LRRTM3: variants seen among roughly 807,000 people sequenced by gnomAD.
LRRTM3 encodes leucine-rich repeat transmembrane neuronal protein 3.
A neutral mutation model predicts 44.7 loss-of-function variants in LRRTM3; 24 were observed. The ratio of observed to expected loss-of-function variants is 0.54; its 90% CI spans 0.39 to 0.76. LRRTM3 has a LOEUF of 0.76. Among genes scored for constraint, LRRTM3 ranks in the 30% least tolerant of loss-of-function variants. The probability of loss-of-function intolerance (pLI) is 0.00; values close to 1 mark genes in which losing one functional copy is unlikely to be tolerated. For synonymous variants in LRRTM3, 277 were observed against 278.7 expected (o/e 0.99, Z 0.06); for missense variants, 587 against 702.2 (o/e 0.84, Z 1.85).
chr10:67,097,586 G>C lies in LRRTM3; in HGVS notation c.1537-1G>C, dbSNP rs1183042727. ...ACTTTTCTCATGTCATTTTTCCCCAGATACCTTTATCAATGAATGTGTCAA... is the reference window on the plus strand; with the variant it reads ...ACTTTTCTCATGTCATTTTTCCCCACATACCTTTATCAATGAATGTGTCAA... On this transcript the variant is annotated splice_acceptor_variant, in intron 2 of 2. Transcript: ENST00000361320. LOFTEE classifies it high-confidence loss of function. 6.2e-7 allele frequency: 1 copy of C among 1,611,516 alleles called. No individual in the cohort carries two copies. The highest frequency in any genetic ancestry group is 8.5e-7 in the Non-Finnish European group (1 of 1,178,504).
chr10:67,099,535 C>T lies in LRRTM3; in HGVS notation c.*1739C>T, dbSNP rs1858211795. On this transcript the variant is annotated 3_prime_UTR_variant, in exon 3 of 3. Coordinates refer to ENST00000361320, the MANE Select transcript of LRRTM3 (RefSeq NM_178011.5). The stretch of plus-strand genomic sequence containing the variant: ...TCCAAAGAAGTTATATCTATAAAAT[C>T]TAGTTTTATGCAGGTTTGTCACAGC... 6.6e-6 allele frequency: 1 copy of T among 152,022 alleles called. No individual in the cohort carries two copies. The highest frequency in any genetic ancestry group is 2.4e-5 in the African/African-American group (1 of 41,332). The allele number at this position is 152,022 out of a possible 1,614,324, so 9.4% of individuals were successfully genotyped here.
chr10:67,002,225 A>G (rs535505953), intron 2 of LRRTM3, among the ~76,000 whole-genome samples: 147 of 152,288 alleles, frequency 9.7e-4, no homozygotes, highest in Non-Finnish European at 1.7e-3. Flanking sequence ...TTTCAAAACA[A>G]TAAGTAATTA....
At chr10:66,985,071 G>A (rs183242440) in intron 2 of LRRTM3, among the ~76,000 whole-genome samples, 22 of 152,044 alleles carry the variant, frequency 1.4e-4, no homozygotes, top group Non-Finnish European at 2.5e-4. Flanking sequence ...AGATTTTTCC[G>A]TTGTCTAGAA....
In LRRTM3 at chr10:66,927,853, A is replaced by G. The variant is rs1847159026; in HGVS notation, c.937A>G (p.Ile313Val). Residue 313 changes from isoleucine (I) to valine (V), a missense_variant, in exon 2 of 3, where the codon ATA becomes GTA. Transcript: ENST00000361320. The surrounding 1 kb of genome is among the most constrained non-coding windows in gnomAD (Gnocchi z 4.7). ...SLNDISLAGN[I>V]WECSRNICSL... ...CAATGACATCAGTCTTGCTGGGAAT[A>G]TATGGGAATGCAGCAGAAATATTTG... 2 of 1,614,250 alleles carry G rather than the reference A, an allele frequency of 1.2e-6. No homozygotes were observed. Among genetic ancestry groups the G allele is most frequent in the Non-Finnish European group, 1.7e-6 (2 of 1,180,050 alleles).
chr10:67,050,325 C>T (rs1264616810), intron 2 of LRRTM3, among the ~76,000 whole-genome samples: 2 of 152,080 alleles, frequency 1.3e-5, no homozygotes, highest in African/African-American at 2.4e-5. Flanking sequence ...CTTGAGCGTT[C>T]GGTCTACTTT....
chr10:66,964,795 G>C (rs1314158972), intron 2 of LRRTM3, among the ~76,000 whole-genome samples: 2 of 152,128 alleles, frequency 1.3e-5, no homozygotes, highest in African/African-American at 2.4e-5. Flanking sequence ...AAGCAGATGA[G>C]AGGCAGACTG....
chr10:66,988,647 T>G (rs952912225), intron 2 of LRRTM3, among the ~76,000 whole-genome samples: 1 of 152,138 alleles, frequency 6.6e-6, no homozygotes, highest in Non-Finnish European at 1.5e-5. Flanking sequence ...TGCTTCTGAT[T>G]GCCAAAACCA....
chr10:66,992,514 T>C (rs1473245350), intron 2 of LRRTM3, among the ~76,000 whole-genome samples: 1 of 152,068 alleles, frequency 6.6e-6, no homozygotes, highest in Non-Finnish European at 1.5e-5. Flanking sequence ...AATATGTTCT[T>C]CCAGTTTGTG....
chr10:67,094,026 A>G (rs1857818429), intron 2 of LRRTM3, among the ~76,000 whole-genome samples: 1 of 151,918 alleles, frequency 6.6e-6, no homozygotes, highest in Non-Finnish European at 1.5e-5. Flanking sequence ...CTGACTTCCT[A>G]CTCGAATTAA....
chr10:66,931,192 T>TTAA (rs33993298), intron 2 of LRRTM3, among the ~76,000 whole-genome samples: 2 of 118,714 alleles, frequency 1.7e-5, no homozygotes, highest in East Asian at 2.5e-4. Context: ...TGACAACAGT[T>TTAA]AAAAAAAAAA....
chr10:67,048,757 G>C (rs1165880317), intron 2 of LRRTM3, among the ~76,000 whole-genome samples: 7 of 151,980 alleles, frequency 4.6e-5, no homozygotes, highest in African/African-American at 1.4e-4. Flanking sequence ...AACAGAAAAT[G>C]CCAAAATGAC....
At chr10:67,091,447 T>C (rs571752857) in intron 2 of LRRTM3, among the ~76,000 whole-genome samples, 3 of 152,004 alleles carry the variant, frequency 2.0e-5, no homozygotes, top group African/African-American at 7.2e-5. Context: ...TAAATCCCAC[T>C]TCTTTCCAAA....
intron 2 of LRRTM3, among the ~76,000 whole-genome samples, chr10:66,998,548 A>T (rs1193541394): frequency 6.6e-6 from 1 of 152,168 alleles, no homozygotes; most frequent in Non-Finnish European, 1.5e-5. Flanking sequence ...AAATAAAAAG[A>T]TGAAGAATGA....
chr10:67,088,689 G>T (rs1857445303), intron 2 of LRRTM3, among the ~76,000 whole-genome samples: 1 of 151,862 alleles, frequency 6.6e-6, no homozygotes, highest in Non-Finnish European at 1.5e-5. Flanking sequence ...TTTTAACTTT[G>T]CAGGATTTCA....
At chr10:67,094,122 T>C (rs1224393321) in intron 2 of LRRTM3, among the ~76,000 whole-genome samples, 5 of 151,952 alleles carry the variant, frequency 3.3e-5, no homozygotes, top group African/African-American at 1.2e-4. Flanking sequence ...ACAAACAATA[T>C]ATGTAATATT....
At chr10:67,003,209 C>T (rs1481405542) in intron 2 of LRRTM3, among the ~76,000 whole-genome samples, 1 of 152,140 alleles carries the variant, frequency 6.6e-6, no homozygotes. Context: ...AGGCACAGTG[C>T]CTATGCTTAT....
chr10:67,039,443 C>A (rs956118902), intron 2 of LRRTM3, among the ~76,000 whole-genome samples: 3 of 152,042 alleles, frequency 2.0e-5, no homozygotes, highest in Non-Finnish European at 2.9e-5. Flanking sequence ...TTCAGAAATT[C>A]AAATGAAGCA....
At chr10:67,063,294 G>T (rs751359779) in intron 2 of LRRTM3, among the ~76,000 whole-genome samples, 1 of 152,144 alleles carries the variant, frequency 6.6e-6, no homozygotes, top group Non-Finnish European at 1.5e-5. Flanking sequence ...GTTCACATTT[G>T]TTGCATTAAA....
chr10:66,989,424 A>C (rs1850919328), intron 2 of LRRTM3, among the ~76,000 whole-genome samples: 1 of 152,228 alleles, frequency 6.6e-6, no homozygotes, highest in Non-Finnish European at 1.5e-5. Flanking sequence ...GTATAACAGA[A>C]TTAGACTACT....
Sources: gnomAD v4.1 joint callset for allele counts (sites outside exome capture counted in the v4.1 genomes callset) on GRCh38, gnomAD v4.1.1 for gene constraint, Gnocchi (gnomAD v3.1) non-coding constraint, MANE v1.5 for transcripts, NCBI Gene and HGNC (gene_info 2026-07-23, HGNC 2026-07-21) for gene names.